The following PDGFD variants were observed in gnomAD, a reference collection of about 807,000 sequenced individuals.
PDGFD encodes platelet derived growth factor D, also known as platelet-derived growth factor D.
In PDGFD, 30 loss-of-function variants were observed where a neutral mutation model predicts 44.7. The ratio of observed to expected loss-of-function variants is 0.67; its 90% confidence interval spans 0.50 to 0.91. The LOEUF (loss-of-function observed/expected upper bound fraction) is 0.91, where lower values mean the gene tolerates loss of function less well. Among genes scored for constraint, PDGFD ranks in the 40% least tolerant of loss-of-function variants. The pLI, the probability that PDGFD is intolerant of heterozygous loss-of-function variation, is 0.00. For missense variants in PDGFD, 445 were observed against 457.8 expected (o/e 0.97, Z 0.25); for synonymous variants, 173 against 168.4 (o/e 1.03, Z -0.21).
intron 3 of PDGFD, among the ~76,000 whole-genome samples, chr11:103,988,867 C>T (rs1185605047): frequency 6.6e-6 from 1 of 152,164 alleles, no homozygotes; most frequent in Non-Finnish European, 1.5e-5. Context: ...TCTATATTTT[C>T]CCTAATCCAT....
intron 1 of PDGFD, among the ~76,000 whole-genome samples, chr11:104,146,575 C>T (rs1268471582): frequency 2.0e-5 from 3 of 151,962 alleles, no homozygotes; most frequent in East Asian, 1.9e-4. Context: ...TGTGGGATGC[C>T]CTCTTAAGAT....
intron 6 of PDGFD, among the ~76,000 whole-genome samples, chr11:103,924,785 T>C (rs1449098463): frequency 1.3e-5 from 2 of 152,188 alleles, no homozygotes; most frequent in Non-Finnish European, 2.9e-5. Flanking sequence ...TAGAGAGAAC[T>C]ACCTATTCCT....
intron 3 of PDGFD, among the ~76,000 whole-genome samples, chr11:103,954,170 A>T (rs1858801598): frequency 6.6e-6 from 1 of 152,212 alleles, no homozygotes; most frequent in African/African-American, 2.4e-5. Context: ...CAGATTCCTT[A>T]CCATTGGATA....
intron 1 of PDGFD, among the ~76,000 whole-genome samples, chr11:104,131,734 C>G (rs1478649095): frequency 3.6e-5 from 5 of 139,128 alleles, no homozygotes; most frequent in African/African-American, 1.3e-4. Context: ...GAAATGCTAT[C>G]TAATCTCCTT....
chr11:104,143,899 T>A (rs1348876821), intron 1 of PDGFD, among the ~76,000 whole-genome samples: 1 of 152,260 alleles, frequency 6.6e-6, no homozygotes, highest in African/African-American at 2.4e-5. Context: ...TAAATTTCTA[T>A]CCTTTTTCTT....
intron 5 of PDGFD, among the ~76,000 whole-genome samples, chr11:103,939,163 G>A (rs961080488): frequency 3.9e-5 from 6 of 152,168 alleles, no homozygotes; most frequent in African/African-American, 7.2e-5. Context: ...CCATTTTCAC[G>A]ATATTGATTA....
intron 5 of PDGFD, among the ~76,000 whole-genome samples, chr11:103,938,935 C>T (rs900996065): frequency 6.6e-6 from 1 of 152,126 alleles, no homozygotes; most frequent in Non-Finnish European, 1.5e-5. Flanking sequence ...GGTACCAGTA[C>T]CATGTTGTTT....
At chr11:103,990,530 G>A (rs1191424165) in intron 3 of PDGFD, among the ~76,000 whole-genome samples, 4 of 152,152 alleles carry the variant, frequency 2.6e-5, no homozygotes, top group South Asian at 4.1e-4. Context: ...CCACTGCTAT[G>A]AGTATTCCTG....
chr11:103,922,295 C>G (rs1177246835), intron 6 of PDGFD, among the ~76,000 whole-genome samples: 1 of 152,052 alleles, frequency 6.6e-6, no homozygotes, highest in Non-Finnish European at 1.5e-5. Context: ...TTCTGGAATC[C>G]TCCCTTTAAC....
At chr11:104,005,888 T>C (rs911498401) in intron 1 of PDGFD, among the ~76,000 whole-genome samples, 2 of 152,244 alleles carry the variant, frequency 1.3e-5, no homozygotes, top group African/African-American at 4.8e-5. Context: ...AATTTTTATG[T>C]ATGTTTATAT....
intron 1 of PDGFD, among the ~76,000 whole-genome samples, chr11:104,093,122 A>G (rs937978263): frequency 6.6e-6 from 1 of 152,148 alleles, no homozygotes; most frequent in African/African-American, 2.4e-5. Flanking sequence ...GCTGAAACCT[A>G]AATGATTTTA....
chr11:104,137,294 C>G (rs1461522471), intron 1 of PDGFD, among the ~76,000 whole-genome samples: 1 of 151,574 alleles, frequency 6.6e-6, no homozygotes, highest in African/African-American at 2.4e-5. Flanking sequence ...TGAGCATAAA[C>G]AAGAGAGATT....
chr11:104,057,963 T>A (rs959323929), intron 1 of PDGFD, among the ~76,000 whole-genome samples: 4 of 152,082 alleles, frequency 2.6e-5, no homozygotes, highest in Non-Finnish European at 5.9e-5. Context: ...AGAGAATCCA[T>A]AAGCAAAAAA....
chr11:103,981,559 T>C (rs1859273410), intron 3 of PDGFD, among the ~76,000 whole-genome samples: 1 of 151,792 alleles, frequency 6.6e-6, no homozygotes, highest in Non-Finnish European at 1.5e-5. Context: ...ATCCTTCCCA[T>C]TTTACAAATG....
intron 1 of PDGFD, among the ~76,000 whole-genome samples, chr11:104,101,750 C>T (rs550888111): frequency 1.3e-5 from 2 of 152,062 alleles, no homozygotes; most frequent in African/African-American, 4.8e-5. Flanking sequence ...TGGAACAGAA[C>T]AGAGCCCCCA....
chr11:104,006,311 G>A (rs1044257684), intron 1 of PDGFD, among the ~76,000 whole-genome samples: 1 of 152,210 alleles, frequency 6.6e-6, no homozygotes, highest in African/African-American at 2.4e-5. Context: ...GCACCCTAAG[G>A]TTTGAGAACC....
chr11:104,106,489 A>G (rs1441674781), intron 1 of PDGFD, among the ~76,000 whole-genome samples: 1 of 152,196 alleles, frequency 6.6e-6, no homozygotes, highest in African/African-American at 2.4e-5. Context: ...TCCTATGCCA[A>G]AACCATCTTG....
chr11:104,057,452 C>T (rs1340887231), intron 1 of PDGFD, among the ~76,000 whole-genome samples: 1 of 151,502 alleles, frequency 6.6e-6, no homozygotes, highest in East Asian at 2.0e-4. Flanking sequence ...CATGCCCTCA[C>T]TTAGAAGTGG....
chr11:104,025,327 A>T (rs1023419951), intron 1 of PDGFD, among the ~76,000 whole-genome samples: 1 of 152,240 alleles, frequency 6.6e-6, no homozygotes, highest in Non-Finnish European at 1.5e-5. Context: ...ACCAGATGGT[A>T]TGGGGTGCAA....
Sources: gnomAD v4.1 joint callset for allele counts (sites outside exome capture counted in the v4.1 genomes callset) on GRCh38, gnomAD v4.1.1 for gene constraint, MANE v1.5 for transcripts, NCBI Gene and HGNC (gene_info 2026-07-23, HGNC 2026-07-21) for gene names.